GRK6: variants seen among roughly 807,000 people sequenced by gnomAD.
GRK6 encodes the protein G protein-coupled receptor kinase 6.
GRK6 carries 37 observed loss-of-function variants against 80.8 expected under a neutral mutation model. The observed-to-expected ratio is 0.46, with a 90% CI of 0.35 to 0.60. GRK6 has a LOEUF of 0.60. GRK6 is among the 20% of genes least tolerant of loss of function. The pLI is 0.00. For synonymous variants in GRK6, 295 were observed against 320.9 expected, an observed-to-expected ratio of 0.92 and a Z score of 0.86; for missense variants, 560 against 784.6, an observed-to-expected ratio of 0.71 and a Z score of 3.42.
intron 15 of GRK6, chr5:177,441,291 T>C: frequency 6.4e-7 from 1 of 1,555,694 alleles, no homozygotes; most frequent in African/African-American, 1.4e-5. Flanking sequence ...CTGCCTGGCC[T>C]CGGGGAGCCA....
Position 177,433,392 on chromosome 5 carries a change from C to T in GRK6, c.579C>T (p.Gly193=). The T allele has an allele frequency of 6.2e-7, 1 of 1,613,750 alleles. No individual in the cohort carries two copies. Among genetic ancestry groups the T allele is most frequent in the East Asian group, 2.2e-5 (1 of 44,868 alleles). The stretch of plus-strand genomic sequence containing the variant: ...CCTTCAGGCAATACCGAGTCCTGGG[C>T]AAAGGTGGCTTTGGGGAGGTGAGTG... The part of the protein sequence containing the change: ...KNTFRQYRVL[G]KGGFGEVCAC... The change falls in exon 7 of 16, where the codon GGC becomes GGT. Residue 193 remains glycine (G), a synonymous_variant. Coordinates refer to ENST00000355472, the MANE Select transcript of GRK6 (RefSeq NM_001004106.3).
chr5:177,433,817 G>A (rs1325525948), intron 8 of GRK6, 97 bp from the exon 9 acceptor site: 2 of 1,492,762 alleles, frequency 1.3e-6, no homozygotes, highest in Admixed American at 2.2e-5. Flanking sequence ...GGAGCAGGCT[G>A]GGCCCAAGGA....
At chr5:177,436,689 C>G (rs985208010) in intron 13 of GRK6, 159 bp downstream of exon 13, 6 of 748,022 alleles carry the variant, frequency 8.0e-6, no homozygotes, top group South Asian at 1.9e-5. Context: ...AGGAAAAGCC[C>G]CAGGATGGGT....
chr5:177,436,914 T>G (rs1764186546), intron 13 of GRK6, among the ~76,000 whole-genome samples: 1 of 151,986 alleles, frequency 6.6e-6, no homozygotes, highest in African/African-American at 2.4e-5. Flanking sequence ...CTTCCTTCCT[T>G]CGTTCTTTTT....
In GRK6 at chr5:177,441,817, G is replaced by A. The variant is rs748335478; in HGVS notation, c.*27G>A. 4.4e-6 allele frequency: 7 copies of A among 1,603,762 alleles called. No individual in the cohort carries two copies. Among genetic ancestry groups the A allele is most frequent in the Middle Eastern group, 3.3e-4 (2 of 6,042 alleles). On this transcript the variant is annotated 3_prime_UTR_variant, in exon 16 of 16. Transcript: ENST00000355472. ...CCCCAGCCCGAGGCCCCCACCAGCA[G>A]TTGGCGGTAGCAGCTACTCCGAGCG...
chr5:177,430,722 C>T (rs113690698), intron 1 of GRK6, 150 bp from the exon 2 acceptor site: 18 of 644,208 alleles, frequency 2.8e-5, no homozygotes, highest in Admixed American at 5.4e-5. Flanking sequence ...GCAGCAAGGG[C>T]GTGCTGGAGC....
intron 1 of GRK6, chr5:177,430,541 G>A (rs75233660): frequency 3.7e-4 from 125 of 337,910 alleles, no homozygotes; most frequent in African/African-American, 2.5e-3. Flanking sequence ...GCACTGTGAC[G>A]TCCTTCTCCC....
intron 14 of GRK6, 30 bp from the exon 15 acceptor site, chr5:177,440,889 C>T (rs753265784): frequency 6.2e-7 from 1 of 1,613,654 alleles, no homozygotes; most frequent in Non-Finnish European, 8.5e-7. Context: ...GCCCTGGGGA[C>T]AGCTGTCACA....
Position 177,433,367 on chromosome 5 carries a change from C to G in GRK6, c.554C>G (p.Thr185Ser), listed in dbSNP as rs1581679280. 1 of 1,614,012 alleles carries G rather than the reference C, an allele frequency of 6.2e-7. No homozygotes were observed. Among genetic ancestry groups the G allele is most frequent in the East Asian group, 2.2e-5 (1 of 44,874 alleles). Residue 185 changes from threonine to serine, a missense_variant, in exon 7 of 16, where the codon ACC (threonine) becomes AGC (serine). Around this residue, in one of 3 missense-constraint regions of GRK6, gnomAD observed 77 missense variants for 156.9 expected, o/e 0.49. Coordinates refer to ENST00000355472, the MANE Select transcript of GRK6 (RefSeq NM_001004106.3). ...WLERQPVTKN[T>S]FRQYRVLGKG... Reference sequence around the variant, plus strand: ...CACAGGCAGCCAGTGACCAAAAACACCTTCAGGCAATACCGAGTCCTGGGC... The same window carrying G: ...CACAGGCAGCCAGTGACCAAAAACAGCTTCAGGCAATACCGAGTCCTGGGC...
Position 177,441,115 on chromosome 5 carries a change from G to A in GRK6, c.1677+62G>A, listed in dbSNP as rs570715727. 3 of 1,590,392 alleles carry A rather than the reference G, an allele frequency of 1.9e-6. No individual in the cohort carries two copies. The South Asian group carries it at 3.4e-5, about 18-fold the overall frequency. On this transcript the variant is annotated intron_variant, in intron 15 of 15. Coordinates refer to ENST00000355472, the MANE Select transcript of GRK6 (RefSeq NM_001004106.3). ...TGGCTCCAGGGGACGGTGGGTGGGA[G>A]GCAGAGCCGGTGCCCGCATGCGCTG...
intron 13 of GRK6, among the ~76,000 whole-genome samples, chr5:177,439,264 C>T (rs1049872885): frequency 6.6e-6 from 1 of 152,116 alleles, no homozygotes; most frequent in South Asian, 2.1e-4. Context: ...TTCGGCTGGG[C>T]GTGGTGGCTC....
At chr5:177,431,068 G>C in intron 2 of GRK6, 101 bp downstream of exon 2, 1 of 901,652 alleles carries the variant, frequency 1.1e-6, no homozygotes, top group Non-Finnish European at 1.7e-6. Context: ...GGGCAGACTT[G>C]GGGGCTCCAG....
intron 8 of GRK6, 83 bp downstream of exon 8, chr5:177,433,759 T>C (rs2127374615): frequency 1.3e-6 from 2 of 1,549,336 alleles, no homozygotes; most frequent in Non-Finnish European, 1.8e-6. Flanking sequence ...CACCCTCCCA[T>C]GTGGGATGCC....
chr5:177,431,927 G>A (rs765518117), intron 2 of GRK6, 68 bp from the exon 3 acceptor site: 2 of 1,370,720 alleles, frequency 1.5e-6, no homozygotes, highest in Non-Finnish European at 1.0e-6. Context: ...GGGCCTGGTG[G>A]TGTGGGCACA....
intron 3 of GRK6, 55 bp downstream of exon 3, chr5:177,432,162 T>C (rs1043593009): frequency 3.1e-6 from 5 of 1,608,686 alleles, no homozygotes; most frequent in South Asian, 1.1e-5. Flanking sequence ...CCTGGCCCCA[T>C]GTGCCCCTCC....
At chr5:177,441,703 T>TCTCC (rs767676546) in intron 15 of GRK6, 34 bp from the exon 16 acceptor site, 1 of 1,551,548 alleles carries the variant, frequency 6.4e-7, no homozygotes. Flanking sequence ...GCTCTGCCTC[T>TCTCC]CTCCCTCCCT....
In GRK6 at chr5:177,433,583, G is replaced by A. The variant is rs778886799; in HGVS notation, c.645G>A (p.Lys215=). The change falls in exon 8 of 16, where the codon AAG becomes AAA. Residue 215 remains lysine, a synonymous_variant. Coordinates refer to ENST00000355472, the MANE Select transcript of GRK6 (RefSeq NM_001004106.3). ...CCACAGGTAAGATGTATGCCTGCAA[G>A]AAGCTAGAGAAAAAGCGGATCAAGA... ...VRATGKMYAC[K]KLEKKRIKKR... 3.1e-6 allele frequency: 5 copies of A among 1,614,076 alleles called. No individual in the cohort carries two copies. In the African/African-American group the frequency reaches 6.7e-5, roughly 22 times the overall value.
In GRK6 at chr5:177,430,978, G is replaced by T; in HGVS notation, c.148+11G>T. 1 of 1,609,966 alleles carries T rather than the reference G, an allele frequency of 6.2e-7. No homozygotes were observed. Among genetic ancestry groups the T allele is most frequent in the Non-Finnish European group, 8.5e-7 (1 of 1,177,124 alleles). On this transcript the variant is annotated intron_variant, in intron 2 of 15. Transcript: ENST00000355472. ...TGCGGCTCAGCCTCGGTGAGGCCTG[G>T]GCAGAGACTGGGGGTGCTGAGGCGA...
chr5:177,427,219 G>C (rs566441773), intron 1 of GRK6, among the ~76,000 whole-genome samples: 150 of 152,354 alleles, frequency 9.8e-4, no homozygotes, highest in African/African-American at 3.4e-3. Context: ...CCTCCTCCAG[G>C]GGAGAGGTGT....
Sources: gnomAD v4.1 joint callset for allele counts (sites outside exome capture counted in the v4.1 genomes callset) on GRCh38, gnomAD v4.1.1 for gene constraint, gnomAD v4.1.1 regional missense constraint, MANE v1.5 for transcripts, NCBI Gene and HGNC (gene_info 2026-07-23, HGNC 2026-07-21) for gene names.